Variants in TEX26 observed in about 807,000 individuals in gnomAD.
TEX26 encodes testis-expressed protein 26.
In TEX26, 34 loss-of-function variants were observed where a neutral mutation model predicts 35.3. That is an observed-to-expected ratio of 0.96 (90% confidence interval 0.73 to 1.28). TEX26 has a LOEUF of 1.28. TEX26 is among the 50% of genes most tolerant of loss of function. The pLI is 0.00. For missense variants in TEX26, 371 were observed against 330.1 expected (o/e 1.12, Z -0.96); for synonymous variants, 136 against 111.8 (o/e 1.22, Z -1.36).
intron 6 of TEX26, among the ~76,000 whole-genome samples, chr13:30,972,300 A>G (rs1954739634): frequency 6.6e-6 from 1 of 152,226 alleles, no homozygotes; most frequent in African/African-American, 2.4e-5. Flanking sequence ...TTTATACATA[A>G]TAAAGATTGG....
chr13:30,966,147 A>T, intron 4 of TEX26, 75 bp from the exon 5 acceptor site: 1 of 1,547,104 alleles, frequency 6.5e-7, no homozygotes, highest in Non-Finnish European at 8.9e-7. Flanking sequence ...CCATACCTCT[A>T]AACACAGCAA....
chr13:30,945,203 C>T (rs1221073411), intron 2 of TEX26, among the ~76,000 whole-genome samples: 1 of 151,662 alleles, frequency 6.6e-6, no homozygotes, highest in Non-Finnish European at 1.5e-5. Flanking sequence ...TAATGACTTT[C>T]TTTGTCTTTT....
chr13:30,934,711 C>G (rs1465214695), intron 1 of TEX26, among the ~76,000 whole-genome samples: 2 of 152,140 alleles, frequency 1.3e-5, no homozygotes, highest in African/African-American at 4.8e-5. Flanking sequence ...TGGGAGCTGC[C>G]CCTTCTGAGT....
In TEX26 at chr13:30,941,585, C is replaced by CAA. The variant is rs1953514119; in HGVS notation, c.146+1807_146+1808insAA. On this transcript the variant is annotated intron_variant, in intron 2 of 6. Coordinates refer to ENST00000380473, the MANE Select transcript of TEX26 (RefSeq NM_152325.3). ...GGTGAGATCTGAGATTTTAGGGTAC[C>CAA]CGTAACTAAAGTAGTGTACATTGTA... Among the ~76,000 whole-genome samples, 4 of 152,148 alleles carry CAA rather than the reference C, an allele frequency of 2.6e-5. No homozygotes were observed. In the South Asian group the frequency reaches 8.3e-4, roughly 32 times the overall value.
Position 30,975,198 on chromosome 13 carries a change from G to A in TEX26, c.*291G>A, listed in dbSNP as rs1954841152. The A allele has an allele frequency of 5.0e-6, 1 of 201,582 alleles. No individual in the cohort carries two copies. Among genetic ancestry groups the A allele is most frequent in the Non-Finnish European group, 9.9e-6 (1 of 101,256 alleles). The allele number at this position is 201,582 out of a possible 1,614,324, so 12.5% of individuals were successfully genotyped here. ...TAGTTTCAATTTTGATTTCTCCTGT[G>A]AACTAGGAATTATGTGGAAGAGATT... On this transcript the variant is annotated 3_prime_UTR_variant, in exon 7 of 7. Coordinates refer to ENST00000380473, the MANE Select transcript of TEX26 (RefSeq NM_152325.3).
chr13:30,947,200 T>A (rs1356518680), intron 2 of TEX26, among the ~76,000 whole-genome samples: 1 of 152,034 alleles, frequency 6.6e-6, no homozygotes, highest in Non-Finnish European at 1.5e-5. Flanking sequence ...AAAAAGAAAA[T>A]TTTTTTGCAA....
chr13:30,967,297 G>A (rs1305869380), intron 5 of TEX26, among the ~76,000 whole-genome samples: 1 of 152,128 alleles, frequency 6.6e-6, no homozygotes, highest in Non-Finnish European at 1.5e-5. Context: ...AGGTGGCCTA[G>A]AAATTACCTC....
At position 30,969,042 on chromosome 13, in the gene TEX26, CA is replaced by C. The variant is rs749271087; in HGVS notation, c.807del (p.Asp270IlefsTer25). On this transcript the variant is annotated frameshift_variant, in exon 6 of 7. Coordinates refer to ENST00000380473, the MANE Select transcript of TEX26 (RefSeq NM_152325.3). LOFTEE classifies it low-confidence loss of function (END_TRUNC). ...VKEYLQSLSY[K>X]DRQIIDRFIR... Reference sequence around the variant, plus strand: ...AAGAGTACCTTCAGAGTCTTTCCTACAAAGGTAAGATGAGGTCTTATTTCAC... The same window carrying C: ...AAGAGTACCTTCAGAGTCTTTCCTACAAGGTAAGATGAGGTCTTATTTCAC... 14 of 1,612,000 alleles carry C rather than the reference CA, an allele frequency of 8.7e-6. No homozygotes were observed. The African/African-American group carries it at 1.9e-4, about 22-fold the overall frequency.
intron 1 of TEX26, among the ~76,000 whole-genome samples, chr13:30,934,216 T>C (rs1278055572): frequency 6.6e-6 from 1 of 152,132 alleles, no homozygotes; most frequent in Non-Finnish European, 1.5e-5. Context: ...CCAAAGCTCT[T>C]TTTCCCCCAG....
intron 3 of TEX26, among the ~76,000 whole-genome samples, chr13:30,953,852 G>A (rs1435906011): frequency 6.6e-6 from 1 of 152,220 alleles, no homozygotes; most frequent in Non-Finnish European, 1.5e-5. Context: ...CATGGGATGG[G>A]ACAACCTGGG....
Position 30,968,842 on chromosome 13 carries a change from G to T in TEX26, c.647-43G>T, listed in dbSNP as rs113922208. ...AATAAGGGCAAGACTGGTGTGCTTG[G>T]GTGCCAGCCTTCCGACCTCTCCTCC... On this transcript the variant is annotated intron_variant, in intron 5 of 6. Transcript: ENST00000380473. The T allele has an allele frequency of 2.5e-6, 4 of 1,587,570 alleles. No individual in the cohort carries two copies. The East Asian group carries it at 6.7e-5, about 27-fold the overall frequency.
At chr13:30,960,849 C>T (rs998389476) in intron 4 of TEX26, among the ~76,000 whole-genome samples, 1 of 152,190 alleles carries the variant, frequency 6.6e-6, no homozygotes, top group African/African-American at 2.4e-5. Context: ...GCTAATAAAA[C>T]TCAAGTTTCA....
intron 3 of TEX26, 35 bp downstream of exon 3, chr13:30,952,860 A>C: frequency 6.4e-7 from 1 of 1,565,636 alleles, no homozygotes; most frequent in South Asian, 1.1e-5. Context: ...TGAATTTAAT[A>C]CTGTACTGTA....
intron 2 of TEX26, among the ~76,000 whole-genome samples, chr13:30,944,811 T>C (rs1350436270): frequency 6.6e-6 from 1 of 152,048 alleles, no homozygotes; most frequent in East Asian, 1.9e-4. Flanking sequence ...AGAAGATACC[T>C]GACATGACTT....
intron 1 of TEX26, among the ~76,000 whole-genome samples, chr13:30,939,485 T>C (rs7319162): frequency 0.34 from 52,450 of 152,094 alleles, 9,093 homozygotes; most frequent in East Asian, 0.45. Context: ...GGAGAAACAG[T>C]AGAACTATCT....
chr13:30,944,158 T>G (rs1407259068), intron 2 of TEX26, among the ~76,000 whole-genome samples: 1 of 151,890 alleles, frequency 6.6e-6, no homozygotes, highest in Non-Finnish European at 1.5e-5. Context: ...CTGCTCAGGG[T>G]TTCTATTTCT....
chr13:30,954,149 G>A (rs1006412493), intron 3 of TEX26, among the ~76,000 whole-genome samples: 11 of 152,030 alleles, frequency 7.2e-5, no homozygotes, highest in African/African-American at 2.7e-4. Flanking sequence ...GGGGAGAGAT[G>A]AGCTGGACAT....
intron 1 of TEX26, among the ~76,000 whole-genome samples, chr13:30,939,057 T>C (rs971300312): frequency 6.6e-6 from 1 of 152,212 alleles, no homozygotes; most frequent in African/African-American, 2.4e-5. Context: ...GTGACAGATA[T>C]AAGAAAAAGA....
At chr13:30,972,688 G>A (rs967688425) in intron 6 of TEX26, among the ~76,000 whole-genome samples, 19 of 152,206 alleles carry the variant, frequency 1.2e-4, no homozygotes, top group African/African-American at 3.9e-4. Context: ...AGGCTGGAGC[G>A]CAGTGGCGTG....
Sources: gnomAD v4.1 joint callset for allele counts (sites outside exome capture counted in the v4.1 genomes callset) on GRCh38, gnomAD v4.1.1 for gene constraint, MANE v1.5 for transcripts, NCBI Gene and HGNC (gene_info 2026-07-23, HGNC 2026-07-21) for gene names.